The following ASCC3 variants were observed in gnomAD, a reference collection of about 807,000 sequenced individuals.
ASCC3 encodes ASC-1 complex subunit P200.
A neutral mutation model predicts 256.3 loss-of-function variants in ASCC3; 158 were observed. The ratio of observed to expected loss-of-function variants is 0.62; its 90% CI spans 0.54 to 0.70. The LOEUF is 0.70. Ranked by LOEUF, ASCC3 falls within the 30% of genes least tolerant of loss-of-function variation. The pLI is 0.00. For synonymous variants in ASCC3, 948 were observed against 883.4 expected, an observed-to-expected ratio of 1.07 and a Z score of -1.30; for missense variants, 2,259 against 2,626.0, an observed-to-expected ratio of 0.86 and a Z score of 3.05.
chr6:100,825,286 T>G (rs1313709478), intron 4 of ASCC3, among the ~76,000 whole-genome samples: 1 of 151,976 alleles, frequency 6.6e-6, no homozygotes, highest in Non-Finnish European at 1.5e-5. Context: ...TTTTTTTTTT[T>G]TTTTTTAGCC....
At chr6:100,817,481 A>G (rs1166035913) in intron 4 of ASCC3, among the ~76,000 whole-genome samples, 4 of 151,944 alleles carry the variant, frequency 2.6e-5, no homozygotes, top group African/African-American at 7.2e-5. Context: ...AATAAAGGAA[A>G]CCAAAGGTGT....
chr6:100,650,747 G>A (rs976142569), intron 19 of ASCC3, 33 bp from the exon 20 acceptor site: 1 of 1,549,076 alleles, frequency 6.5e-7, no homozygotes, highest in African/African-American at 1.4e-5. Context: ...TGGAATTTTG[G>A]GGCTGATTTA....
intron 1 of ASCC3, 89 bp downstream of exon 1, chr6:100,880,972 G>C (rs1439526762): frequency 6.6e-6 from 1 of 152,334 alleles, no homozygotes; most frequent in East Asian, 1.9e-4. Flanking sequence ...GGCGGGTCGC[G>C]TAGCCCGCCT....
intron 36 of ASCC3, among the ~76,000 whole-genome samples, chr6:100,578,535 T>C (rs939824630): frequency 1.3e-5 from 2 of 152,066 alleles, no homozygotes; most frequent in African/African-American, 2.4e-5. Context: ...TTTCTATCCC[T>C]GTGTTTCACG....
chr6:100,580,864 A>G (rs2114746545), intron 36 of ASCC3, among the ~76,000 whole-genome samples: 1 of 151,848 alleles, frequency 6.6e-6, no homozygotes, highest in African/African-American at 2.4e-5. Flanking sequence ...TAGTTTACTG[A>G]GAATGATGAT....
At chr6:100,642,958 A>T (rs1414076235) in intron 23 of ASCC3, among the ~76,000 whole-genome samples, 1 of 152,136 alleles carries the variant, frequency 6.6e-6, no homozygotes, top group Non-Finnish European at 1.5e-5. Flanking sequence ...TTTTATGGCT[A>T]ATTTATATTA....
chr6:100,777,070 A>C (rs1217869121), intron 8 of ASCC3, among the ~76,000 whole-genome samples: 1 of 152,098 alleles, frequency 6.6e-6, no homozygotes, highest in Non-Finnish European at 1.5e-5. Flanking sequence ...ACCTGGCTCC[A>C]TGCCATAATC....
At chr6:100,678,717 A>C (rs1229309348) in intron 14 of ASCC3, among the ~76,000 whole-genome samples, 2 of 152,104 alleles carry the variant, frequency 1.3e-5, no homozygotes, top group Non-Finnish European at 2.9e-5. Context: ...ATTTATTTTC[A>C]TAGCTTTAAA....
At chr6:100,769,243 A>T (rs1206744718) in intron 8 of ASCC3, among the ~76,000 whole-genome samples, 1 of 152,048 alleles carries the variant, frequency 6.6e-6, no homozygotes, top group Non-Finnish European at 1.5e-5. Context: ...AAGCATGGGG[A>T]AAGGTTGGTC....
chr6:100,805,643 A>G (rs530910417), intron 5 of ASCC3, 117 bp downstream of exon 5: 92 of 1,205,226 alleles, frequency 7.6e-5, no homozygotes, highest in Admixed American at 1.3e-4. Flanking sequence ...TAACAGAGTA[A>G]TATCAGTAAA....
rs575894515 is a variant in ASCC3 at position 100,508,391 on chromosome 6, G to C, written c.*995C>G. On this transcript the variant is annotated 3_prime_UTR_variant, in exon 42 of 42. Coordinates refer to ENST00000369162, the MANE Select transcript of ASCC3 (RefSeq NM_006828.4). Reference sequence around the variant, plus strand: ...CATTCCACTAGAATGCATATTATATGAACATTGAATTTTAACAAGTTTTTA... The same window carrying C: ...CATTCCACTAGAATGCATATTATATCAACATTGAATTTTAACAAGTTTTTA... 1 of 152,216 alleles carries C rather than the reference G, an allele frequency of 6.6e-6. No individual in the cohort carries two copies. The highest frequency in any genetic ancestry group is 2.1e-4 in the South Asian group (1 of 4,824). The allele number at this position is 152,216 out of a possible 1,614,324, so 9.4% of individuals were successfully genotyped here. A position where few individuals can be genotyped will look rare whatever the true frequency, so the allele number is the denominator to read the frequency against.
At chr6:100,747,799 A>G (rs1259627744) in intron 10 of ASCC3, among the ~76,000 whole-genome samples, 1 of 152,076 alleles carries the variant, frequency 6.6e-6, no homozygotes, top group Non-Finnish European at 1.5e-5. Context: ...GTCAAAACTC[A>G]TCAAATTGTA....
At chr6:100,821,523 T>TA (rs143054861) in intron 4 of ASCC3, among the ~76,000 whole-genome samples, 61 of 149,308 alleles carry the variant, frequency 4.1e-4, no homozygotes, top group African/African-American at 9.3e-4. Flanking sequence ...TATTCAGCTA[T>TA]AAAAAAAAAA....
intron 24 of ASCC3, among the ~76,000 whole-genome samples, chr6:100,641,339 C>A (rs887080548): frequency 2.6e-5 from 4 of 152,142 alleles, no homozygotes; most frequent in Non-Finnish European, 4.4e-5. Context: ...TCCTATTTCC[C>A]CACATCCTCT....
intron 12 of ASCC3, among the ~76,000 whole-genome samples, 158 bp from the exon 13 acceptor site, chr6:100,715,691 C>G (rs1223924935): frequency 6.6e-6 from 1 of 151,152 alleles, no homozygotes; most frequent in Non-Finnish European, 1.5e-5. Flanking sequence ...ATATAACAAT[C>G]CATTAAAAAA....
chr6:100,755,542 A>G (rs1265361416), intron 10 of ASCC3, among the ~76,000 whole-genome samples: 3 of 152,018 alleles, frequency 2.0e-5, no homozygotes, highest in Non-Finnish European at 4.4e-5. Flanking sequence ...TTATATTGAC[A>G]TGAATTAGGA....
At chr6:100,718,357 G>C in intron 11 of ASCC3, 106 bp from the exon 12 acceptor site, 2 of 881,922 alleles carry the variant, frequency 2.3e-6, no homozygotes, top group South Asian at 3.7e-5. Flanking sequence ...AGACAGAGAT[G>C]AGTGTAGAGG....
At chr6:100,784,200 C>T (rs1490509388) in intron 8 of ASCC3, among the ~76,000 whole-genome samples, 1 of 151,900 alleles carries the variant, frequency 6.6e-6, no homozygotes, top group African/African-American at 2.4e-5. Context: ...AAAATACAGT[C>T]AATGAAAATA....
chr6:100,840,858 T>C (rs945857036), intron 4 of ASCC3, among the ~76,000 whole-genome samples: 5 of 151,964 alleles, frequency 3.3e-5, no homozygotes, highest in African/African-American at 9.7e-5. Context: ...TCTAAAATTA[T>C]GGATATATTT....
Sources: allele counts gnomAD v4.1 joint callset (sites outside exome capture counted in the v4.1 genomes callset), GRCh38; gene constraint gnomAD v4.1.1; transcripts MANE v1.5; gene names NCBI Gene and HGNC (gene_info 2026-07-23, HGNC 2026-07-21).